The following USP35 variants were observed in gnomAD, a reference collection of about 807,000 sequenced individuals.
The protein encoded by USP35 is ubiquitin carboxyl-terminal hydrolase 35.
A neutral mutation model predicts 83.8 loss-of-function variants in USP35; 69 were observed. That is an observed-to-expected ratio of 0.82 (90% confidence interval 0.68 to 1.01). The LOEUF is 1.01. Among genes scored for constraint, USP35 ranks in the 50% least tolerant of loss-of-function variants. The pLI is 0.00. For missense variants in USP35, 1,503 were observed against 1,362.5 expected (o/e 1.10, Z -1.62); for synonymous variants, 714 against 589.5 (o/e 1.21, Z -3.06).
chr11:78,207,523 T>G lies in USP35; in HGVS notation c.1392-7T>G. 1 of 1,613,888 alleles carries G rather than the reference T, an allele frequency of 6.2e-7. No homozygotes were observed. The highest frequency in any genetic ancestry group is 8.5e-7 in the Non-Finnish European group (1 of 1,179,932). ...CTTACCCTGGGTGCCCCTGCTTTGT[T>G]TTGAAGCTTCAGACATTGTGTGCTC... is the stretch of plus-strand genomic sequence containing the variant. On this transcript the variant is annotated splice_region_variant and splice_polypyrimidine_tract_variant and intron_variant, in intron 7 of 10. Transcript: ENST00000529308.
At chr11:78,198,593 A>C (rs1863230857) in intron 3 of USP35, 1 of 985,166 alleles carries the variant, frequency 1.0e-6, no homozygotes. Flanking sequence ...GCCTTTGCCT[A>C]TGCAGACCCC....
chr11:78,191,826 C>G (rs1312032071), intron 1 of USP35, among the ~76,000 whole-genome samples: 2 of 151,408 alleles, frequency 1.3e-5, no homozygotes, highest in Admixed American at 1.3e-4. Context: ...AGACTCATGA[C>G]AGCCCGGCCC....
downstream of USP35, chr11:78,217,164 C>T (rs565992277): frequency 6.6e-6 from 1 of 152,640 alleles, no homozygotes; most frequent in South Asian, 2.1e-4. Flanking sequence ...CTGACACCAA[C>T]CTCCCTAAGT....
chr11:78,195,100 G>A (rs1198219755), intron 1 of USP35, among the ~76,000 whole-genome samples: 1 of 152,148 alleles, frequency 6.6e-6, no homozygotes, highest in Non-Finnish European at 1.5e-5. Context: ...CAGAGCCCTA[G>A]GTGTGCAGGG....
intron 1 of USP35, among the ~76,000 whole-genome samples, chr11:78,192,314 G>A (rs911487902): frequency 2.6e-5 from 4 of 152,278 alleles, no homozygotes; most frequent in East Asian, 1.9e-4. Context: ...CTCCTCACCC[G>A]GGGCTTAGCA....
At chr11:78,197,245 G>GC in intron 2 of USP35, among the ~76,000 whole-genome samples, 1 of 146,884 alleles carries the variant, frequency 6.8e-6, no homozygotes, top group Admixed American at 6.7e-5. Context: ...AGGTGGGGGG[G>GC]GGGGTCATTA....
intron 1 of USP35, among the ~76,000 whole-genome samples, chr11:78,192,414 T>A (rs1863032085): frequency 1.3e-5 from 2 of 152,232 alleles, no homozygotes; most frequent in Non-Finnish European, 2.9e-5. Flanking sequence ...CTCACTTTCT[T>A]CATTCCTGCC....
chr11:78,232,252 T>C, the USP35 span, among the ~76,000 whole-genome samples: 4 of 152,238 alleles, frequency 2.6e-5, no homozygotes, highest in Admixed American at 6.5e-5. Flanking sequence ...AGACTACTGC[T>C]GCAGGGTCAG....
At chr11:78,206,101 T>A in intron 7 of USP35, 66 bp downstream of exon 7, 1 of 1,546,450 alleles carries the variant, frequency 6.5e-7, no homozygotes, top group Non-Finnish European at 8.8e-7. Flanking sequence ...TGATGACAGG[T>A]GGAAAGGTGT....
chr11:78,205,116 G>A (rs1590908876), intron 6 of USP35, among the ~76,000 whole-genome samples: 1 of 152,212 alleles, frequency 6.6e-6, no homozygotes, highest in East Asian at 1.9e-4. Flanking sequence ...AGTGCTTGGT[G>A]GTATTCTTAG....
At position 78,210,446 on chromosome 11, in the gene USP35, A is replaced by G. The variant is rs1328711257; in HGVS notation, c.2591A>G (p.Tyr864Cys). 1 of 1,614,168 alleles carries G rather than the reference A, an allele frequency of 6.2e-7. No homozygotes were observed. Among genetic ancestry groups the G allele is most frequent in the Non-Finnish European group, 8.5e-7 (1 of 1,180,030 alleles). The change falls in exon 10 of 11, where the codon TAC (tyrosine) becomes TGC (cysteine). Residue 864 changes from tyrosine (Y) to cysteine (C), a missense_variant. Tyr to Cys is a radical substitution (Grantham distance 194). Transcript: ENST00000529308. ...GTGTCTTCGGAGAGTGGTCACTACT[A>G]CTGCTATGCCCGTGAGGGCGCTGCC... ...SGVSSESGHY[Y>C]CYAREGAARP...
rs1863518502 is a variant in USP35, at chr11:78,206,001, A to G, written c.1357A>G (p.Asn453Asp). Reference sequence around the variant, plus strand: ...CAACCTGGGCAACACATGCTATGTCAACAGCATCCTTCAGGCCTTATTCAT... The same window carrying G: ...CAACCTGGGCAACACATGCTATGTCGACAGCATCCTTCAGGCCTTATTCAT... ...LINLGNTCYVNSILQALFMAS... is the reference protein window; with the variant it reads ...LINLGNTCYVDSILQALFMAS... The change falls in exon 7 of 11, where the codon AAC (asparagine) becomes GAC (aspartate). Residue 453 changes from asparagine (N) to aspartate (D), a missense_variant. Coordinates refer to ENST00000529308, the MANE Select transcript of USP35 (RefSeq NM_020798.4). 2 of 1,614,178 alleles carry G rather than the reference A, an allele frequency of 1.2e-6. No individual in the cohort carries two copies. The highest frequency in any genetic ancestry group is 4.5e-5 in the East Asian group (2 of 44,882).
the USP35 span, chr11:78,220,275 G>A: frequency 6.2e-7 from 1 of 1,608,564 alleles, no homozygotes. Context: ...CTGCCTCCGG[G>A]ACCCTGAGAG....
In USP35 at chr11:78,210,444, C is replaced by G. The variant is rs371543172; in HGVS notation, c.2589C>G (p.Tyr863Ter). The G allele has an allele frequency of 1.9e-6, 3 of 1,614,210 alleles. No homozygotes were observed. Among genetic ancestry groups the G allele is most frequent in the Non-Finnish European group, 2.5e-6 (3 of 1,180,044 alleles). Reference sequence around the variant, plus strand: ...GAGTGTCTTCGGAGAGTGGTCACTACTACTGCTATGCCCGTGAGGGCGCTG... The same window carrying G: ...GAGTGTCTTCGGAGAGTGGTCACTAGTACTGCTATGCCCGTGAGGGCGCTG... ...HSGVSSESGHYYCYAREGAAR... is the reference protein window; with the variant it reads ...HSGVSSESGH Residue 863 changes from tyrosine (Y) to a stop codon, truncating the protein, a stop_gained, in exon 10 of 11, where the codon TAC becomes TAG. Transcript: ENST00000529308. LOFTEE classifies it high-confidence loss of function.
At position 78,196,532 on chromosome 11, in the gene USP35, C is replaced by T. The variant is rs780910061; in HGVS notation, c.287C>T (p.Pro96Leu). Reference protein sequence around the residue: ...LRLLQGGAGPPGPRALACVQL... With the variant: ...LRLLQGGAGPLGPRALACVQL... ...CTGCTGCAGGGTGGCGCCGGCCCCC[C>T]GGGCCCCCGCGCGCTCGCCTGCGTG... Residue 96 changes from proline to leucine, a missense_variant, in exon 2 of 11, where the codon CCG becomes CTG. Physicochemically the swap from Pro to Leu is moderately conservative, Grantham distance 98 (BLOSUM62 -3). Transcript: ENST00000529308. The surrounding 1 kb of genome is among the most constrained non-coding windows in gnomAD (Gnocchi z 4.8). 2.2e-5 allele frequency: 27 copies of T among 1,221,912 alleles called. No homozygotes were observed. In the South Asian group the frequency reaches 4.1e-4, roughly 18 times the overall value. The allele number at this position is 1,221,912 out of a possible 1,614,324, so 75.7% of individuals were successfully genotyped here.
intron 10 of USP35, among the ~76,000 whole-genome samples, chr11:78,212,392 C>G (rs1044221261): frequency 1.3e-5 from 2 of 152,164 alleles, no homozygotes; most frequent in African/African-American, 2.4e-5. Flanking sequence ...CACTTTTGTT[C>G]TTTTTGCTTA....
intron 1 of USP35, among the ~76,000 whole-genome samples, chr11:78,190,367 A>C (rs767969085): frequency 5.3e-5 from 8 of 152,174 alleles, no homozygotes; most frequent in Non-Finnish European, 1.0e-4. Context: ...ACTGATGTTT[A>C]AGATTTTCAG....
chr11:78,231,336 G>GTGGTGTGTGTGTGT, the USP35 span, among the ~76,000 whole-genome samples: 81 of 145,898 alleles, frequency 5.6e-4, no homozygotes, highest in African/African-American at 2.0e-3. Flanking sequence ...GCGCGTGTGT[G>GTGGTGTGTGTGTGT]GTGTGTGTGT....
intron 3 of USP35, chr11:78,198,543 C>G (rs926057089): frequency 2.2e-6 from 2 of 897,560 alleles, no homozygotes; most frequent in African/African-American, 3.6e-5. Context: ...ACCTGCCTGT[C>G]CAGTTGTCCC....
Sources: allele counts gnomAD v4.1 joint callset (sites outside exome capture counted in the v4.1 genomes callset), GRCh38; gene constraint gnomAD v4.1.1; non-coding constraint Gnocchi (gnomAD v3.1); transcripts MANE v1.5; gene names NCBI Gene and HGNC (gene_info 2026-07-23, HGNC 2026-07-21).